Variants in RHOXF1 observed in about 807,000 individuals in gnomAD.
RHOXF1 encodes the protein Rhox homeobox family member 1, also known as PEPP subfamily gene 1.
In RHOXF1, 1 loss-of-function variant was observed where a neutral mutation model predicts 9.7. The observed-to-expected ratio is 0.10, with a 90% CI of 0.04 to 0.49. The LOEUF (loss-of-function observed/expected upper bound fraction) is 0.49, where lower values mean the gene tolerates loss of function less well. Ranked by LOEUF, RHOXF1 falls within the 20% of genes least tolerant of loss-of-function variation. RHOXF1 has a pLI of 0.95. For missense variants in RHOXF1, 179 were observed against 168.0 expected (o/e 1.07, Z -0.36); for synonymous variants, 72 against 70.2 (o/e 1.03, Z -0.13).
rs782109441 is a variant in RHOXF1 at position 120,115,494 on chromosome X, T to C, written c.369A>G (p.Arg123=). The change falls in exon 1 of 3, where the codon CGA becomes CGG. Residue 123 remains arginine, a synonymous_variant. Transcript: ENST00000217999. The stretch of plus-strand genomic sequence containing the variant: ...TGGGCACATCAGGGTATTGAGTGTG[T>C]CGGAAAACACTTTCCAGCTCCTCCA... ...LQVEELESVF[R]HTQYPDVPTR... The C allele has an allele frequency of 8.8e-6, 10 of 1,131,796 alleles. No homozygotes were observed. Among genetic ancestry groups the C allele is most frequent in the Non-Finnish European group, 1.0e-5 (9 of 857,817 alleles). 93.3% of individuals were successfully genotyped at this position (1,131,796 alleles called of 1,213,427 possible).
chrX:120,120,060 T>C (rs1382667929), upstream of RHOXF1, among the ~76,000 whole-genome samples: 1 of 111,642 alleles, frequency 9.0e-6, no homozygotes, highest in Non-Finnish European at 1.9e-5. Flanking sequence ...ATAGGGCCTA[T>C]TATTGGAAGC....
intron 1 of RHOXF1, among the ~76,000 whole-genome samples, chrX:120,114,189 G>C (rs1467143348): frequency 2.7e-5 from 3 of 110,620 alleles, no homozygotes; most frequent in African/African-American, 9.9e-5. Context: ...TTAAATAAAG[G>C]AAGGATCTAG....
chrX:120,115,326 A>C (rs995131097), intron 1 of RHOXF1, 139 bp downstream of exon 1: 63 of 414,250 alleles, frequency 1.5e-4, no homozygotes, highest in African/African-American at 1.5e-3. Context: ...CAGGAGGTAA[A>C]TATCCCCCTC....
chrX:120,113,935 A>C (rs2147139057), intron 1 of RHOXF1, among the ~76,000 whole-genome samples: 1 of 108,707 alleles, frequency 9.2e-6, no homozygotes, highest in African/African-American at 3.3e-5. Context: ...CTACACACAA[A>C]AAAAATACAA....
chrX:120,109,880 C>T (rs782569383), intron 2 of RHOXF1, among the ~76,000 whole-genome samples: 1 of 111,894 alleles, frequency 8.9e-6, no homozygotes, highest in South Asian at 3.7e-4. Context: ...CCACTGTGCC[C>T]AGCCCCAATT....
In RHOXF1 at chrX:120,115,580, C is replaced by T. The variant is rs782682773; in HGVS notation, c.283G>A (p.Gly95Ser). The T allele has an allele frequency of 3.0e-5, 34 of 1,145,252 alleles. 1 individual carries two copies. Among genetic ancestry groups the T allele is most frequent in the Non-Finnish European group, 3.9e-5 (34 of 864,395 alleles). 94.4% of individuals were successfully genotyped at this position (1,145,252 alleles called of 1,213,427 possible). A position where few individuals can be genotyped will look rare whatever the true frequency, so the allele number is the denominator to read the frequency against. Residue 95 changes from glycine to serine, a missense_variant, in exon 1 of 3, where the codon GGT (glycine) becomes AGT (serine). Gly to Ser is a moderately conservative substitution (Grantham distance 56, BLOSUM62 0). Transcript: ENST00000217999. Reference protein sequence around the residue: ...PEEPAQAAMEGPQPENMQPRT... With the variant: ...PEEPAQAAMESPQPENMQPRT... The stretch of plus-strand genomic sequence containing the variant: ...GGCTGCATGTTCTCGGGCTGCGGAC[C>T]CTCCATGGCCGCCTGGGCCGGCTCC...
At chrX:120,109,574 A>T (rs567567404) in intron 2 of RHOXF1, among the ~76,000 whole-genome samples, 122 of 104,748 alleles carry the variant, frequency 1.2e-3, no homozygotes, top group Non-Finnish European at 1.6e-3. Flanking sequence ...TTTATTTATT[A>T]TTTATTTATT....
rs1267480122 is a variant in RHOXF1 at position 120,115,908 on chromosome X, T to A, written c.-46A>T. 10 of 1,113,740 alleles carry A rather than the reference T, an allele frequency of 9.0e-6. No individual in the cohort carries two copies. The highest frequency in any genetic ancestry group is 1.2e-5 in the Non-Finnish European group (10 of 846,825). The allele number at this position is 1,113,740 out of a possible 1,213,427, so 91.8% of individuals were successfully genotyped here. A position where few individuals can be genotyped will look rare whatever the true frequency, so the allele number is the denominator to read the frequency against. On this transcript the variant is annotated 5_prime_UTR_variant, in exon 1 of 3. Transcript: ENST00000217999. ...GCACAAACTCCGTGGCGTCTGCAGC[T>A]GGAGTGGGGGTTAGAGGGTGGAGCT...
At chrX:120,115,407 A>T in intron 1 of RHOXF1, 58 bp downstream of exon 1, 1 of 1,016,127 alleles carries the variant, frequency 9.8e-7, no homozygotes, top group Non-Finnish European at 1.3e-6. Context: ...CAAGGGAGAG[A>T]AAAAGATGCC....
At chrX:120,119,100 C>G (rs781872795), upstream of RHOXF1, among the ~76,000 whole-genome samples, 15 of 111,793 alleles carry the variant, frequency 1.3e-4, no homozygotes, top group Non-Finnish European at 2.8e-4. Context: ...AACAATCACT[C>G]TCTCTCCCTT....
chrX:120,110,130 A>C (rs1224958126), intron 2 of RHOXF1, among the ~76,000 whole-genome samples: 2 of 111,643 alleles, frequency 1.8e-5, no homozygotes, highest in Non-Finnish European at 3.8e-5. Flanking sequence ...AATCATTTTC[A>C]GGGGATTGTT....
At chrX:120,119,282 T>G (rs1446512549), upstream of RHOXF1, among the ~76,000 whole-genome samples, 1 of 111,648 alleles carries the variant, frequency 9.0e-6, no homozygotes, top group Non-Finnish European at 1.9e-5. Flanking sequence ...GAGAATAAAC[T>G]GCTCACCAGA....
chrX:120,116,458 G>T (rs1032357058), upstream of RHOXF1: 1 of 110,478 alleles, frequency 9.1e-6, no homozygotes, highest in Non-Finnish European at 1.9e-5. Flanking sequence ...CCCTACTCGG[G>T]CCTAGTTATT....
chrX:120,112,557 T>TATAATACAC (rs2057275460), intron 2 of RHOXF1, among the ~76,000 whole-genome samples: 1 of 108,829 alleles, frequency 9.2e-6, no homozygotes, highest in African/African-American at 3.3e-5. Flanking sequence ...ATGTATAATA[T>TATAATACAC]ATGTGTTTCA....
intron 1 of RHOXF1, 123 bp downstream of exon 1, chrX:120,115,342 C>G: frequency 2.0e-6 from 1 of 500,058 alleles, no homozygotes. Flanking sequence ...CCCTCCACAC[C>G]AGCACAAAGG....
At chrX:120,115,377 TTCC>T in intron 1 of RHOXF1, 85 bp downstream of exon 1, 1 of 859,441 alleles carries the variant, frequency 1.2e-6, no homozygotes, top group Non-Finnish European at 1.5e-6. Context: ...CAGTGGCTTT[TTCC>T]TCATGATTGG....
At chrX:120,113,620 G>A (rs371407654) in intron 1 of RHOXF1, among the ~76,000 whole-genome samples, 2 of 106,723 alleles carry the variant, frequency 1.9e-5, no homozygotes, top group East Asian at 6.2e-4. Flanking sequence ...CACCCACATG[G>A]CTAATTTTTT....
intron 2 of RHOXF1, 132 bp downstream of exon 2, chrX:120,112,737 G>T: frequency 2.4e-6 from 1 of 414,698 alleles, no homozygotes; most frequent in Non-Finnish European, 4.1e-6. Context: ...AAACTTATTT[G>T]TCAACATAAA....
chrX:120,117,228 C>A (rs1002114263), upstream of RHOXF1, among the ~76,000 whole-genome samples: 9 of 110,408 alleles, frequency 8.2e-5, no homozygotes, highest in African/African-American at 2.6e-4. Flanking sequence ...AGCACTCCAG[C>A]CTGGGCAACA....
Sources: allele counts gnomAD v4.1 joint callset (sites outside exome capture counted in the v4.1 genomes callset), GRCh38; gene constraint gnomAD v4.1.1; transcripts MANE v1.5; gene names NCBI Gene and HGNC (gene_info 2026-07-23, HGNC 2026-07-21).